The following DLGAP2 variants were observed in gnomAD, a reference collection of about 807,000 sequenced individuals.
DLGAP2 encodes the protein DLG associated protein 2.
DLGAP2 carries 26 observed loss-of-function variants against 100.3 expected under a neutral mutation model. The observed-to-expected ratio is 0.26, with a 90% CI of 0.19 to 0.36. DLGAP2 has a LOEUF of 0.36. Among genes scored for constraint, DLGAP2 ranks in the 10% least tolerant of loss-of-function variants. The pLI is 1.00. For missense variants in DLGAP2, 1,858 were observed against 1,453.2 expected (o/e 1.28, Z -4.53); for synonymous variants, 886 against 630.1 (o/e 1.41, Z -6.08).
At chr8:1,641,411 C>T (rs1003087746) in intron 8 of DLGAP2, among the ~76,000 whole-genome samples, 1 of 152,128 alleles carries the variant, frequency 6.6e-6, no homozygotes, top group African/African-American at 2.4e-5. Context: ...CGTACTTAGA[C>T]TGGAATTACA....
chr8:1,270,812 G>C (rs934072321), intron 3 of DLGAP2, among the ~76,000 whole-genome samples: 5 of 151,748 alleles, frequency 3.3e-5, no homozygotes, highest in Non-Finnish European at 7.4e-5. Flanking sequence ...CTCTGTGTGT[G>C]TGTGTGTCTA....
intron 8 of DLGAP2, among the ~76,000 whole-genome samples, chr8:1,658,824 A>T (rs62483113): frequency 6.6e-6 from 1 of 151,468 alleles, no homozygotes; most frequent in Non-Finnish European, 1.5e-5. Flanking sequence ...TTGTGTCTCT[A>T]TCTCCTTCAG....
At chr8:1,505,009 G>C (rs1489566052) in intron 4 of DLGAP2, among the ~76,000 whole-genome samples, 1 of 152,132 alleles carries the variant, frequency 6.6e-6, no homozygotes, top group Non-Finnish European at 1.5e-5. Context: ...CAAAAAGAAA[G>C]GAAGGAAGAA....
chr8:1,004,232 C>G (rs898711602), intron 2 of DLGAP2, among the ~76,000 whole-genome samples: 8 of 152,154 alleles, frequency 5.3e-5, no homozygotes, highest in Non-Finnish European at 1.2e-4. Flanking sequence ...TACACACTTC[C>G]AAGCTGCTTT....
At chr8:1,268,546 G>A (rs921843545) in intron 3 of DLGAP2, among the ~76,000 whole-genome samples, 2 of 152,070 alleles carry the variant, frequency 1.3e-5, no homozygotes, top group Non-Finnish European at 2.9e-5. Context: ...AACATCATTC[G>A]TGCCATTTCA....
intron 2 of DLGAP2, among the ~76,000 whole-genome samples, chr8:1,208,411 T>G (rs570751123): frequency 6.6e-6 from 1 of 152,320 alleles, no homozygotes; most frequent in East Asian, 1.9e-4. Flanking sequence ...GAAAAAGCAT[T>G]TGAGAAAATC....
In DLGAP2 at chr8:1,244,694, T is replaced by C. The variant is rs1798867899; in HGVS notation, c.74-14157T>C. 2.6e-5 allele frequency among the ~76,000 whole-genome samples: 4 copies of C among 152,200 alleles called. No homozygotes were observed. In the South Asian group the frequency reaches 8.3e-4, roughly 32 times the overall value. On this transcript the variant is annotated intron_variant, in intron 2 of 14. Transcript: ENST00000637795. ...TTATAAAACCGCAAGGACGTGCATC[T>C]TTGTGATCTTAGATTAAGCAGTGGT...
intron 8 of DLGAP2, among the ~76,000 whole-genome samples, chr8:1,640,835 A>T (rs948354538): frequency 1.3e-5 from 2 of 152,326 alleles, no homozygotes; most frequent in African/African-American, 4.8e-5. Flanking sequence ...TACCTAAAAG[A>T]TGAAAACTAA....
At chr8:1,079,490 A>T (rs151219289) in intron 2 of DLGAP2, among the ~76,000 whole-genome samples, 12 of 152,346 alleles carry the variant, frequency 7.9e-5, no homozygotes, top group African/African-American at 2.9e-4. Context: ...ACTGAGAAAC[A>T]GATGGTATCT....
chr8:891,687 C>A (rs887310695), intron 1 of DLGAP2: 2 of 152,272 alleles, frequency 1.3e-5, no homozygotes, highest in Non-Finnish European at 2.9e-5. Context: ...ATAAATAGGA[C>A]CCTTGAGAAA....
At chr8:1,342,382 G>A (rs1242970356) in intron 3 of DLGAP2, among the ~76,000 whole-genome samples, 2 of 152,286 alleles carry the variant, frequency 1.3e-5, no homozygotes, top group East Asian at 1.9e-4. Context: ...TGTATGGCAG[G>A]TCTTCCGATT....
chr8:1,257,541 T>G (rs1799252690), intron 2 of DLGAP2, among the ~76,000 whole-genome samples: 1 of 152,062 alleles, frequency 6.6e-6, no homozygotes, highest in African/African-American at 2.4e-5. Context: ...GATTACTATT[T>G]AACATCCTGC....
chr8:1,418,863 C>T (rs772843618), intron 3 of DLGAP2, among the ~76,000 whole-genome samples: 18 of 152,330 alleles, frequency 1.2e-4, no homozygotes, highest in East Asian at 1.9e-4. Context: ...GCTTCTGGCC[C>T]GCTGGCTAGA....
intron 2 of DLGAP2, among the ~76,000 whole-genome samples, chr8:1,057,432 G>A (rs546314802): frequency 1.3e-5 from 2 of 152,270 alleles, no homozygotes; most frequent in African/African-American, 4.8e-5. Flanking sequence ...ATTCACATTA[G>A]GGTTATGCAC....
Position 1,549,229 on chromosome 8 carries a change from C to T in DLGAP2, c.776C>T (p.Ala259Val), listed in dbSNP as rs761736532. The T allele has an allele frequency of 5.0e-6, 8 of 1,604,526 alleles. No homozygotes were observed. The highest frequency in any genetic ancestry group is 4.4e-5 in the South Asian group (4 of 90,150). Residue 259 changes from alanine to valine, a missense_variant, in exon 5 of 15, where the codon GCG becomes GTG. Physicochemically the swap from Ala to Val is moderately conservative, Grantham distance 64. Coordinates refer to ENST00000637795, the MANE Select transcript of DLGAP2 (RefSeq NM_001346810.2). Reference sequence around the variant, plus strand: ...AAAAGCAACGCCAACGGCACCAAGGCGGACGGCCGGGCGGACGACCACCAC... The same window carrying T: ...AAAAGCAACGCCAACGGCACCAAGGTGGACGGCCGGGCGGACGACCACCAC... The part of the protein sequence containing the change: ...SSKSNANGTK[A>V]DGRADDHHHA...
chr8:1,523,126 C>T (rs1265214106), intron 4 of DLGAP2, among the ~76,000 whole-genome samples: 1 of 152,202 alleles, frequency 6.6e-6, no homozygotes, highest in Non-Finnish European at 1.5e-5. Context: ...AGCTTTCACG[C>T]CACGCGTATG....
intron 3 of DLGAP2, among the ~76,000 whole-genome samples, chr8:1,480,622 G>A (rs944509580): frequency 5.3e-5 from 8 of 151,152 alleles, no homozygotes; most frequent in African/African-American, 1.9e-4. Flanking sequence ...GGCCGAGGCG[G>A]GCGGATCACC....
intron 6 of DLGAP2, among the ~76,000 whole-genome samples, chr8:1,570,977 G>GC (rs1802640696): frequency 6.9e-6 from 1 of 145,172 alleles, no homozygotes; most frequent in African/African-American, 2.6e-5. Context: ...GGTGAACTGT[G>GC]GGGCGTCTGA....
Position 1,316,043 on chromosome 8 carries a change from C to T in DLGAP2, c.106+57160C>T, listed in dbSNP as rs1241059989. Among the ~76,000 whole-genome samples the T allele has an allele frequency of 2.7e-4, 37 of 138,442 alleles. 2 individuals are homozygous for T. The highest frequency in any genetic ancestry group is 7.2e-4 in the African/African-American group (28 of 38,748). The allele number at this position is 138,442 out of a possible 152,430, so 90.8% of individuals were successfully genotyped here. A position where few individuals can be genotyped will look rare whatever the true frequency, so the allele number is the denominator to read the frequency against. On this transcript the variant is annotated intron_variant, in intron 3 of 14. Coordinates refer to ENST00000637795, the MANE Select transcript of DLGAP2 (RefSeq NM_001346810.2). ...GGTCTACACTCGAGACACTTGGCAG[C>T]TTTTAAAAATAGAGCGTGTGTGAGT...
Sources: allele counts gnomAD v4.1 joint callset (sites outside exome capture counted in the v4.1 genomes callset), GRCh38; gene constraint gnomAD v4.1.1; transcripts MANE v1.5; gene names NCBI Gene and HGNC (gene_info 2026-07-23, HGNC 2026-07-21).